Variants in DIXDC1 observed in about 807,000 individuals in gnomAD.
DIXDC1 encodes DIX domain containing 1.
DIXDC1 carries 64 observed loss-of-function variants against 103.1 expected under a neutral mutation model. The ratio of observed to expected loss-of-function variants is 0.62; its 90% CI spans 0.51 to 0.76. The LOEUF (loss-of-function observed/expected upper bound fraction) is 0.76, where lower values mean the gene tolerates loss of function less well. Ranked by LOEUF, DIXDC1 falls within the 30% of genes least tolerant of loss-of-function variation. DIXDC1 has a pLI of 0.00. For missense variants in DIXDC1, 759 were observed against 834.2 expected, an observed-to-expected ratio of 0.91 and a Z score of 1.11; for synonymous variants, 266 against 298.5, an observed-to-expected ratio of 0.89 and a Z score of 1.12.
intron 1 of DIXDC1, chr11:111,928,561 G>A (rs1423494041): frequency 6.6e-6 from 1 of 150,398 alleles, no homozygotes; most frequent in African/African-American, 2.5e-5. Context: ...AGGAGCTCGA[G>A]ACCAGCATGC....
In DIXDC1 at chr11:112,017,505, T is replaced by A; in HGVS notation, c.1863-272T>A. ...CAAATTTTATTTCAGGGACTTTATA[T>A]CTTATTTCCAGAGAAAAGTGATTTG... is the stretch of plus-strand genomic sequence containing the variant. On this transcript the variant is annotated intron_variant, in intron 18 of 19. Transcript: ENST00000440460. The surrounding 1 kb of genome is among the most constrained non-coding windows in gnomAD (Gnocchi z 4.0). 1 of 237,104 alleles carries A rather than the reference T, an allele frequency of 4.2e-6. No homozygotes were observed. The highest frequency in any genetic ancestry group is 8.2e-6 in the Non-Finnish European group (1 of 121,578). 14.7% of individuals were successfully genotyped at this position (237,104 alleles called of 1,614,324 possible). A position where few individuals can be genotyped will look rare whatever the true frequency, so the allele number is the denominator to read the frequency against.
intron 2 of DIXDC1, among the ~76,000 whole-genome samples, chr11:111,931,536 G>A (rs986134200): frequency 3.9e-5 from 6 of 152,032 alleles, no homozygotes; most frequent in African/African-American, 1.2e-4. Context: ...CCAGCTGCTC[G>A]AGAGGCTGAG....
chr11:111,935,205 C>A (rs962183863), upstream of DIXDC1, among the ~76,000 whole-genome samples: 2 of 152,216 alleles, frequency 1.3e-5, no homozygotes, highest in African/African-American at 4.8e-5. Flanking sequence ...AGGATCAGAC[C>A]TCAGAGCCCT....
intron 10 of DIXDC1, among the ~76,000 whole-genome samples, chr11:111,991,120 G>T (rs1202964691): frequency 1.3e-5 from 2 of 152,160 alleles, no homozygotes; most frequent in African/African-American, 4.8e-5. Flanking sequence ...CCGTTCATGG[G>T]CTAGACTATT....
At chr11:111,993,855 G>A in intron 14 of DIXDC1, 115 bp downstream of exon 14, 1 of 1,191,462 alleles carries the variant, frequency 8.4e-7, no homozygotes, top group Non-Finnish European at 1.2e-6. Flanking sequence ...GCTCTATGAT[G>A]AGCTAGTTAA....
intron 1 of DIXDC1, among the ~76,000 whole-genome samples, chr11:111,948,318 C>G (rs782221101): frequency 1.3e-5 from 2 of 152,190 alleles, no homozygotes; most frequent in Admixed American, 1.3e-4. Flanking sequence ...TTCATTCCAT[C>G]AAGTTCTCCT....
chr11:111,996,868 T>G (rs1860916797), intron 17 of DIXDC1, among the ~76,000 whole-genome samples: 1 of 152,104 alleles, frequency 6.6e-6, no homozygotes, highest in Non-Finnish European at 1.5e-5. Context: ...ATAAAAACTT[T>G]GAGTGCTTAA....
intron 17 of DIXDC1, among the ~76,000 whole-genome samples, chr11:112,003,884 C>T (rs1461649381): frequency 2.0e-5 from 3 of 150,932 alleles, no homozygotes; most frequent in African/African-American, 7.3e-5. Context: ...ATGCACGTAT[C>T]AAAATAACAC....
At chr11:111,990,907 A>G (rs782760574) in intron 10 of DIXDC1, among the ~76,000 whole-genome samples, 98 of 152,108 alleles carry the variant, frequency 6.4e-4, no homozygotes, top group Admixed American at 2.1e-3. Flanking sequence ...GGGTTTCACC[A>G]TGTTGGCCAG....
chr11:111,996,252 C>A, intron 17 of DIXDC1, 106 bp downstream of exon 17: 1 of 937,120 alleles, frequency 1.1e-6, no homozygotes, highest in Non-Finnish European at 1.6e-6. Context: ...TAGTACTTCA[C>A]TTTTATACTA....
intron 17 of DIXDC1, 85 bp from the exon 18 acceptor site, chr11:112,016,606 T>A: frequency 8.4e-7 from 1 of 1,184,826 alleles, no homozygotes; most frequent in African/African-American, 1.6e-5. Flanking sequence ...CAGGCAGCTT[T>A]GTTCTCCCGG....
intron 17 of DIXDC1, among the ~76,000 whole-genome samples, chr11:112,013,842 T>G (rs1230051000): frequency 6.6e-6 from 1 of 152,162 alleles, no homozygotes; most frequent in Non-Finnish European, 1.5e-5. Context: ...AGAGGTTTGT[T>G]TGGCTCACAA....
upstream of DIXDC1, among the ~76,000 whole-genome samples, chr11:111,933,058 C>T (rs1211414362): frequency 2.6e-5 from 4 of 152,140 alleles, no homozygotes; most frequent in African/African-American, 9.7e-5. Context: ...GATAAAGATT[C>T]ACATTCCTAA....
intron 17 of DIXDC1, among the ~76,000 whole-genome samples, chr11:112,008,240 G>T (rs1861303859): frequency 2.6e-5 from 4 of 152,020 alleles, no homozygotes; most frequent in Admixed American, 2.6e-4. Flanking sequence ...ATGGTAAAGG[G>T]ATCAATTCAA....
At chr11:111,966,228 C>CTTTTTTTTTT (rs71060203) in intron 2 of DIXDC1, among the ~76,000 whole-genome samples, 2 of 91,702 alleles carry the variant, frequency 2.2e-5, no homozygotes, top group Non-Finnish European at 4.1e-5. Context: ...TTTTTTTTTC[C>CTTTTTTTTTT]TTTTTTTTTT....
upstream of DIXDC1, chr11:111,937,238 G>GC: frequency 8.4e-7 from 1 of 1,196,796 alleles, no homozygotes. Flanking sequence ...CAGCCCGGCA[G>GC]CGCCGCTCAA....
intron 17 of DIXDC1, among the ~76,000 whole-genome samples, chr11:112,001,979 A>T (rs587593896): frequency 6.6e-6 from 1 of 151,726 alleles, no homozygotes; most frequent in African/African-American, 2.4e-5. Context: ...CTGGTCTCGA[A>T]CTCCTGACCT....
intron 2 of DIXDC1, among the ~76,000 whole-genome samples, chr11:111,966,157 T>C (rs1354187149): frequency 1.3e-5 from 2 of 151,456 alleles, no homozygotes; most frequent in Non-Finnish European, 2.9e-5. Flanking sequence ...TTCTTATTTT[T>C]CCAAAACCTA....
Position 112,022,464 on chromosome 11 carries a change from G to C in DIXDC1, c.*3428G>C, listed in dbSNP as rs1222774154. On this transcript the variant is annotated 3_prime_UTR_variant, in exon 20 of 20. Transcript: ENST00000440460. This position sits in a 1 kb window ranked among gnomAD's most constrained non-coding sequence, Gnocchi z 4.9. ...TACAATATGTTTTCATGAAGACTAT[G>C]TTACACCAGAGGCTTCTGATTATCA... The C allele has an allele frequency of 2.0e-5, 3 of 152,624 alleles. No individual in the cohort carries two copies. Among genetic ancestry groups the C allele is most frequent in the Non-Finnish European group, 4.4e-5 (3 of 68,016 alleles). The allele number at this position is 152,624 out of a possible 1,614,324, so 9.5% of individuals were successfully genotyped here.
Sources: allele counts gnomAD v4.1 joint callset (sites outside exome capture counted in the v4.1 genomes callset), GRCh38; gene constraint gnomAD v4.1.1; non-coding constraint Gnocchi (gnomAD v3.1); transcripts MANE v1.5; gene names NCBI Gene and HGNC (gene_info 2026-07-23, HGNC 2026-07-21).